SRP14: variants seen among roughly 807,000 people sequenced by gnomAD.
SRP14 encodes signal recognition particle 14 kDa protein.
A neutral mutation model predicts 16.0 loss-of-function variants in SRP14; 1 was observed. The observed-to-expected ratio is 0.06, with a 90% CI of 0.02 to 0.30. The LOEUF (loss-of-function observed/expected upper bound fraction) is 0.30. Among genes scored for constraint, SRP14 ranks in the 10% least tolerant of loss-of-function variants. The probability of loss-of-function intolerance (pLI) is 1.00; values close to 1 mark genes in which losing one functional copy is unlikely to be tolerated. For synonymous variants in SRP14, 67 were observed against 60.1 expected (o/e 1.12, Z -0.53); for missense variants, 120 against 163.1 (o/e 0.74, Z 1.44).
rs1453233763 is a variant in SRP14, at chr15:40,039,155, T to TAGC, written c.-42_-40dup. ...GCTCGACTCCCTCCGCTTAAGCCCC[T>TAGC]AGCAGTGAGAGCCGGAAGTTCGGCC... On this transcript the variant is annotated 5_prime_UTR_variant, in exon 1 of 5. Transcript: ENST00000267884. The TAGC allele has an allele frequency of 6.2e-7, 1 of 1,600,064 alleles. No individual in the cohort carries two copies. The highest frequency in any genetic ancestry group is 1.1e-5 in the South Asian group (1 of 89,074).
At position 40,036,300 on chromosome 15, in the gene SRP14, G is replaced by A. The variant is rs200415110; in HGVS notation, c.*33C>T. The A allele has an allele frequency of 1.9e-6, 3 of 1,608,932 alleles. No individual in the cohort carries two copies. The highest frequency in any genetic ancestry group is 2.6e-6 in the Non-Finnish European group (3 of 1,175,600). ...CAAAAGGAAAAAATAGCAATTCAGTGGTTAATTGGTGAAAGCAGGAAATGT... is the reference window on the plus strand; with the variant it reads ...CAAAAGGAAAAAATAGCAATTCAGTAGTTAATTGGTGAAAGCAGGAAATGT... On this transcript the variant is annotated 3_prime_UTR_variant, in exon 5 of 5. Transcript: ENST00000267884.
Position 40,038,307 on chromosome 15 carries a change from T to C in SRP14, c.185A>G (p.Asp62Gly). The change falls in exon 3 of 5, where the codon GAT becomes GGT. Residue 62 changes from aspartate (D) to glycine (G), a missense_variant. Coordinates refer to ENST00000267884, the MANE Select transcript of SRP14 (RefSeq NM_003134.6). ...CACAGTGCTGATCTTCTTCTTCCCA[T>C]CGGTAGCTCTTAACAGACACTTGTT... The part of the protein sequence containing the change: ...ADNKCLLRAT[D>G]GKKKISTVVS... 1 of 1,613,776 alleles carries C rather than the reference T, an allele frequency of 6.2e-7. No homozygotes were observed. The highest frequency in any genetic ancestry group is 8.5e-7 in the Non-Finnish European group (1 of 1,179,644).
rs7535 is a variant in SRP14, at chr15:40,036,374, G to C, written c.370C>G (p.Pro124Ala). Residue 124 changes from proline (P) to alanine (A), a missense_variant, in exon 5 of 5, where the codon CCA becomes GCA. Transcript: ENST00000267884. ...AAAPAAAATA[P>A]TTAATTAATA... ...GCTGCTGTTGTTGCTGCTGTTGTTG[G>C]TGCTGTTGCTGCTGCGGCAGGTGCT... is the stretch of plus-strand genomic sequence containing the variant. 1,469,390 of 1,612,888 alleles carry C rather than the reference G, an allele frequency of 0.91. 669,823 individuals carry two copies. Among genetic ancestry groups the C allele is most frequent in the Admixed American group, 0.95 (57,140 of 60,000 alleles).
At position 40,038,835 on chromosome 15, in the gene SRP14, G is replaced by C. The variant is rs368990488; in HGVS notation, c.97+41C>G. Reference sequence around the variant, plus strand: ...GACTCCGGTGGCTCCCAGACACCGGGAACCCAGGGAGCATCGCCCGGCTCC... The same window carrying C: ...GACTCCGGTGGCTCCCAGACACCGGCAACCCAGGGAGCATCGCCCGGCTCC... On this transcript the variant is annotated intron_variant, in intron 2 of 4. Coordinates refer to ENST00000267884, the MANE Select transcript of SRP14 (RefSeq NM_003134.6). The C allele has an allele frequency of 8.7e-6, 14 of 1,606,792 alleles. No homozygotes were observed. The African/African-American group carries it at 1.1e-4, about 12-fold the overall frequency.
chr15:40,037,637 GATATCTAACTTAATCT>G (rs2035650102), intron 3 of SRP14, among the ~76,000 whole-genome samples: 1 of 18,996 alleles, frequency 5.3e-5, no homozygotes, highest in Admixed American at 3.8e-4. Context: ...GTTATTTCAT[GATATCTAACTTAATCT>G]GTAAAACCAC....
chr15:40,036,445 T>C lies in SRP14; in HGVS notation c.299A>G (p.Lys100Arg). The C allele has an allele frequency of 6.2e-7, 1 of 1,614,214 alleles. No homozygotes were observed. The highest frequency in any genetic ancestry group is 8.5e-7 in the Non-Finnish European group (1 of 1,180,034). Residue 100 changes from lysine (K) to arginine (R), a missense_variant, in exon 5 of 5, where the codon AAG becomes AGG. By Grantham distance (26) the Lys-to-Arg change is conservative. Around this residue, in one of 3 missense-constraint regions of SRP14, gnomAD observed 44 missense variants for 93.1 expected, o/e 0.47. Coordinates refer to ENST00000267884, the MANE Select transcript of SRP14 (RefSeq NM_003134.6). ...TGCTTTGGTCTTCTTAGTTTTGTTC[T>C]TTTTGTCTCTCTTCTTCAGCCCATC... ...NMDGLKKRDK[K>R]NKTKKTKAAA...
intron 2 of SRP14, 192 bp from the exon 3 acceptor site, chr15:40,038,586 G>A: frequency 1.6e-6 from 1 of 609,820 alleles, no homozygotes; most frequent in South Asian, 2.0e-5. Flanking sequence ...ACGGAAACAT[G>A]TAATATCGAA....
At position 40,036,212 on chromosome 15, in the gene SRP14, A is replaced by T; in HGVS notation, c.*121T>A. 1 of 1,502,486 alleles carries T rather than the reference A, an allele frequency of 6.7e-7. No individual in the cohort carries two copies. The highest frequency in any genetic ancestry group is 1.3e-5 in the South Asian group (1 of 76,570). 93.1% of individuals were successfully genotyped at this position (1,502,486 alleles called of 1,614,324 possible). A position where few individuals can be genotyped will look rare whatever the true frequency, so the allele number is the denominator to read the frequency against. On this transcript the variant is annotated 3_prime_UTR_variant, in exon 5 of 5. Coordinates refer to ENST00000267884, the MANE Select transcript of SRP14 (RefSeq NM_003134.6). Reference sequence around the variant, plus strand: ...ATAAACACTGCAACTATTCTTTCCAAAAGGACCCTAATCTTATGTGAAAAC... The same window carrying T: ...ATAAACACTGCAACTATTCTTTCCATAAGGACCCTAATCTTATGTGAAAAC...
Position 40,037,035 on chromosome 15 carries a change from A to G in SRP14, c.211-17T>C. The G allele has an allele frequency of 6.2e-7, 1 of 1,613,374 alleles. No individual in the cohort carries two copies. The highest frequency in any genetic ancestry group is 8.5e-7 in the Non-Finnish European group (1 of 1,179,806). Reference sequence around the variant, plus strand: ...GGAGCTCACCTGAAAAAGAAGGAAAAAAGAGGTCATACCTATTATCCATAT... The same window carrying G: ...GGAGCTCACCTGAAAAAGAAGGAAAGAAGAGGTCATACCTATTATCCATAT... On this transcript the variant is annotated splice_polypyrimidine_tract_variant and intron_variant, in intron 3 of 4. Coordinates refer to ENST00000267884, the MANE Select transcript of SRP14 (RefSeq NM_003134.6).
chr15:40,035,711 A>G lies in SRP14; in HGVS notation c.*622T>C, dbSNP rs1567013617. 6.6e-6 allele frequency: 1 copy of G among 152,298 alleles called. No individual in the cohort carries two copies. The highest frequency in any genetic ancestry group is 1.5e-5 in the Non-Finnish European group (1 of 68,112). The allele number at this position is 152,298 out of a possible 1,614,324, so 9.4% of individuals were successfully genotyped here. A position where few individuals can be genotyped will look rare whatever the true frequency, so the allele number is the denominator to read the frequency against. On this transcript the variant is annotated 3_prime_UTR_variant, in exon 5 of 5. Coordinates refer to ENST00000267884, the MANE Select transcript of SRP14 (RefSeq NM_003134.6). The stretch of plus-strand genomic sequence containing the variant: ...CTAAGCACATGAAAATATCCAAACC[A>G]AAGGGCATAAAGAAACCAAAAATCA...
rs148124232 is a variant in SRP14, at chr15:40,037,447, C to T, written c.211-429G>A. 503 of 881,330 alleles carry T rather than the reference C, an allele frequency of 5.7e-4. 1 individual carries two copies. The African/African-American group carries it at 8.3e-3, about 15-fold the overall frequency. The allele number at this position is 881,330 out of a possible 1,614,324, so 54.6% of individuals were successfully genotyped here. On this transcript the variant is annotated intron_variant, in intron 3 of 4. Coordinates refer to ENST00000267884, the MANE Select transcript of SRP14 (RefSeq NM_003134.6). ...ACTCCCTCCCCATCTTATTTTTAAA[C>T]CTGCCTTCCATTAATTCAAGCATAT...
intron 3 of SRP14, chr15:40,037,279 G>GGAAAAAATAAAAAAAAAAA (rs1555424355): frequency 1.8e-6 from 1 of 566,920 alleles, no homozygotes; most frequent in African/African-American, 3.1e-5. Context: ...TCCTTTTGGG[G>GGAAAAAATAAAAAAAAAAA]AAAAAAAAAA....
At chr15:40,037,235 T>C (rs1302908623) in intron 3 of SRP14, 2 of 1,227,260 alleles carry the variant, frequency 1.6e-6, no homozygotes, top group Non-Finnish European at 2.1e-6. Flanking sequence ...TTTTTCCACA[T>C]GAGAATTGCA....
chr15:40,038,779 G>C, intron 2 of SRP14, 97 bp downstream of exon 2: 1 of 1,319,424 alleles, frequency 7.6e-7, no homozygotes, highest in Admixed American at 1.9e-5. Context: ...GGTGGGGAAA[G>C]GTAGAGGAAG....
intron 2 of SRP14, 130 bp from the exon 3 acceptor site, chr15:40,038,524 C>T: frequency 1.5e-6 from 1 of 667,576 alleles, no homozygotes; most frequent in Non-Finnish European, 2.7e-6. Flanking sequence ...TGTTAAACAC[C>T]TCATCTGCTA....
rs2035678967 is a variant in SRP14, at chr15:40,039,082, C to T, written c.24+11G>A. The T allele has an allele frequency of 1.2e-6, 2 of 1,607,452 alleles. No individual in the cohort carries two copies. The highest frequency in any genetic ancestry group is 1.7e-6 in the Non-Finnish European group (2 of 1,178,186). On this transcript the variant is annotated intron_variant, in intron 1 of 4. Coordinates refer to ENST00000267884, the MANE Select transcript of SRP14 (RefSeq NM_003134.6). ...CGCCCCCTTCCCTCGGCCGGCCAGG[C>T]CTAGCCATACCTGCTCGCTCTCCAA...
Position 40,039,128 on chromosome 15 carries a change from T to C in SRP14, c.-12A>G, listed in dbSNP as rs375634205. The C allele has an allele frequency of 7.5e-6, 12 of 1,609,890 alleles. No homozygotes were observed. Among genetic ancestry groups the C allele is most frequent in the African/African-American group, 2.7e-5 (2 of 74,870 alleles). On this transcript the variant is annotated 5_prime_UTR_variant, in exon 1 of 5. Coordinates refer to ENST00000267884, the MANE Select transcript of SRP14 (RefSeq NM_003134.6). ...TCCAACAACACCATCGCGGCGACGC[T>C]GGCTCGACTCCCTCCGCTTAAGCCC...
Position 40,036,243 on chromosome 15 carries a change from C to T in SRP14, c.*90G>A. 6.3e-7 allele frequency: 1 copy of T among 1,578,416 alleles called. No homozygotes were observed. The highest frequency in any genetic ancestry group is 8.6e-7 in the Non-Finnish European group (1 of 1,158,262). ...CCCTAATCTTATGTGAAAACACCTA[C>T]TGTGGGGGAACCAGAAACCTAGCTA... On this transcript the variant is annotated 3_prime_UTR_variant, in exon 5 of 5. Transcript: ENST00000267884.
chr15:40,036,562 C>G lies in SRP14; in HGVS notation c.244-62G>C, dbSNP rs2140955596. ...TGTGCAAACTGGCAGAACACCAGCC[C>G]TATCTGCATAATGGATTTAGGGTAG... is the stretch of plus-strand genomic sequence containing the variant. On this transcript the variant is annotated intron_variant, in intron 4 of 4. Coordinates refer to ENST00000267884, the MANE Select transcript of SRP14 (RefSeq NM_003134.6). 11 of 1,538,264 alleles carry G rather than the reference C, an allele frequency of 7.2e-6. No individual in the cohort carries two copies. The South Asian group carries it at 1.3e-4, about 18-fold the overall frequency.
Sources: allele counts gnomAD v4.1 joint callset (sites outside exome capture counted in the v4.1 genomes callset), GRCh38; gene constraint gnomAD v4.1.1; regional missense constraint gnomAD v4.1.1; transcripts MANE v1.5; gene names NCBI Gene and HGNC (gene_info 2026-07-23, HGNC 2026-07-21).